TANC2: variants seen among roughly 807,000 people sequenced by gnomAD.
The protein encoded by TANC2 is tetratricopeptide repeat, ankyrin repeat and coiled-coil containing 2.
In TANC2, 26 loss-of-function variants were observed where a neutral mutation model predicts 210.5. That is an observed-to-expected ratio of 0.12 (90% CI 0.09 to 0.17). TANC2 has a LOEUF of 0.17. Ranked by LOEUF, TANC2 falls within the 10% of genes least tolerant of loss-of-function variation. The pLI is 1.00. For synonymous variants in TANC2, 931 were observed against 967.1 expected (o/e 0.96, Z 0.69); for missense variants, 2,129 against 2,608.9 (o/e 0.82, Z 4.01).
At chr17:63,198,883 T>C (rs1178721844) in intron 6 of TANC2, among the ~76,000 whole-genome samples, 1 of 152,172 alleles carries the variant, frequency 6.6e-6, no homozygotes, top group Non-Finnish European at 1.5e-5. Flanking sequence ...AGATAACATA[T>C]AGTAGAAGAG....
intron 9 of TANC2, among the ~76,000 whole-genome samples, chr17:63,301,579 C>T (rs1598807939): frequency 6.6e-6 from 1 of 152,074 alleles, no homozygotes; most frequent in South Asian, 2.1e-4. Flanking sequence ...GGTGTTTATA[C>T]TATTCTCTGG....
intron 2 of TANC2, among the ~76,000 whole-genome samples, chr17:63,044,466 T>G (rs565757290): frequency 1.3e-5 from 2 of 152,262 alleles, no homozygotes; most frequent in African/African-American, 4.8e-5. Context: ...TTGTATAGTA[T>G]TCTATTTTAT....
At chr17:63,308,661 A>G (rs1394477024) in intron 9 of TANC2, among the ~76,000 whole-genome samples, 3 of 152,234 alleles carry the variant, frequency 2.0e-5, no homozygotes, top group Non-Finnish European at 4.4e-5. Flanking sequence ...AAATGTATAC[A>G]CAGTAAAAGT....
At chr17:63,044,268 C>G (rs1403584277) in intron 2 of TANC2, among the ~76,000 whole-genome samples, 1 of 152,110 alleles carries the variant, frequency 6.6e-6, no homozygotes, top group Non-Finnish European at 1.5e-5. Context: ...ATGTTTGAAT[C>G]TCCTTTATCA....
chr17:63,198,926 G>C (rs1408270120), intron 6 of TANC2, among the ~76,000 whole-genome samples: 3 of 152,156 alleles, frequency 2.0e-5, no homozygotes, highest in Non-Finnish European at 4.4e-5. Flanking sequence ...TTACTGTGTT[G>C]TTAAGAAAAA....
chr17:63,046,245 C>T (rs144412901), intron 2 of TANC2, among the ~76,000 whole-genome samples: 4,300 of 150,130 alleles, frequency 0.029, 77 homozygotes, highest in South Asian at 0.036. Flanking sequence ...CTGCAACCTC[C>T]GCCTCCTGGG....
intron 9 of TANC2, among the ~76,000 whole-genome samples, chr17:63,310,639 C>T (rs2045091772): frequency 6.6e-6 from 1 of 152,072 alleles, no homozygotes. Flanking sequence ...CATGAACAGG[C>T]AATTCACAAA....
chr17:63,201,082 G>T, intron 7 of TANC2, 125 bp downstream of exon 7: 1 of 800,732 alleles, frequency 1.2e-6, no homozygotes. Context: ...AACTTTCCTG[G>T]TCTTTTTAAT....
At chr17:63,077,490 G>T (rs937256692) in intron 3 of TANC2, among the ~76,000 whole-genome samples, 1 of 152,196 alleles carries the variant, frequency 6.6e-6, no homozygotes, top group African/African-American at 2.4e-5. Context: ...TAGCAGTTCA[G>T]ATTGGAGTGG....
chr17:63,370,073 T>G (rs2047220895), intron 14 of TANC2, among the ~76,000 whole-genome samples: 1 of 152,194 alleles, frequency 6.6e-6, no homozygotes. Context: ...ATAACTGATG[T>G]CCCAACTAGT....
chr17:63,000,028 C>T (rs1277878424), intron 1 of TANC2, among the ~76,000 whole-genome samples: 1 of 152,138 alleles, frequency 6.6e-6, no homozygotes, highest in African/African-American at 2.4e-5. Flanking sequence ...GAGCTAAACA[C>T]TGAGCACGCA....
intron 7 of TANC2, among the ~76,000 whole-genome samples, chr17:63,233,401 CCGTGGATCG>C (rs1205056206): frequency 3.9e-5 from 6 of 152,170 alleles, no homozygotes; most frequent in African/African-American, 1.4e-4. Flanking sequence ...CATGGAAAAA[CCGTGGATCG>C]TGGATTCTTG....
At chr17:63,243,980 T>G (rs568151456) in intron 8 of TANC2, among the ~76,000 whole-genome samples, 1 of 152,228 alleles carries the variant, frequency 6.6e-6, no homozygotes, top group South Asian at 2.1e-4. Flanking sequence ...ATTTTAATAT[T>G]AAGAAACAAA....
intron 5 of TANC2, among the ~76,000 whole-genome samples, chr17:63,170,329 G>A (rs55794044): frequency 0.075 from 11,388 of 151,168 alleles, 530 homozygotes; most frequent in Admixed American, 0.14. Context: ...CAGCTACTCG[G>A]GAGGCTCAGG....
chr17:63,401,242 G>T (rs894009948), intron 19 of TANC2, among the ~76,000 whole-genome samples: 2 of 152,110 alleles, frequency 1.3e-5, no homozygotes, highest in Admixed American at 1.3e-4. Flanking sequence ...AAGCTAGTTG[G>T]TGGGGGCTCA....
At chr17:63,128,355 A>G (rs2145197168) in intron 4 of TANC2, among the ~76,000 whole-genome samples, 1 of 152,304 alleles carries the variant, frequency 6.6e-6, no homozygotes, top group East Asian at 1.9e-4. Context: ...TACGCCCCAC[A>G]AATGTATATG....
rs558080164 is a variant in TANC2, at chr17:62,993,317, C to G, written c.-23-16220C>G. 2.5e-4 allele frequency among the ~76,000 whole-genome samples: 38 copies of G among 152,198 alleles called. No homozygotes were observed. The South Asian group carries it at 7.9e-3, about 32-fold the overall frequency. ...GTTTTGGCTATTCTGGGTCCCTTGC[C>G]GTTTCCACATTAGTTTTTAGATCAC... On this transcript the variant is annotated intron_variant, in intron 1 of 27. Transcript: ENST00000689528.
intron 2 of TANC2, among the ~76,000 whole-genome samples, chr17:63,068,802 T>A (rs1373821310): frequency 6.8e-6 from 1 of 147,026 alleles, no homozygotes; most frequent in Non-Finnish European, 1.5e-5. Context: ...AAAATGAACG[T>A]CCACACAGAT....
intron 15 of TANC2, among the ~76,000 whole-genome samples, chr17:63,386,716 C>T (rs1042860070): frequency 3.9e-5 from 6 of 152,082 alleles, no homozygotes; most frequent in African/African-American, 7.2e-5. Flanking sequence ...ATAGGAGTCA[C>T]CTCTTAGGAT....
Sources: allele counts gnomAD v4.1 joint callset (sites outside exome capture counted in the v4.1 genomes callset), GRCh38; gene constraint gnomAD v4.1.1; transcripts MANE v1.5; gene names NCBI Gene and HGNC (gene_info 2026-07-23, HGNC 2026-07-21).